HPS5: variants seen among roughly 807,000 people sequenced by gnomAD.
HPS5 encodes HPS5 biogenesis of lysosomal organelles complex 2 subunit 2, also known as BLOC-2 complex member HPS5.
Under a neutral mutation model 128.0 loss-of-function variants are expected in HPS5, and 83 were observed. The observed-to-expected ratio is 0.65, with a 90% CI of 0.54 to 0.78. The LOEUF (loss-of-function observed/expected upper bound fraction) is 0.78, where lower values mean the gene tolerates loss of function less well. Ranked by LOEUF, HPS5 falls within the 30% of genes least tolerant of loss-of-function variation. The pLI is 0.00. For missense variants in HPS5, 1,281 were observed against 1,326.2 expected (o/e 0.97, Z 0.53); for synonymous variants, 475 against 470.2 (o/e 1.01, Z -0.13).
intron 6 of HPS5, among the ~76,000 whole-genome samples, chr11:18,307,749 C>CA (rs982176691): frequency 6.7e-6 from 1 of 149,078 alleles, no homozygotes; most frequent in East Asian, 1.9e-4. Context: ...AACAAAGAAA[C>CA]AAAAAAAACC....
In HPS5 at chr11:18,297,003, C is replaced by CA. The variant is rs369116404; in HGVS notation, c.1324-20dup. ...AACTTTCCTAAAAATTAAAAGAATT[C>CA]AAAAAAAAAAAAAGGTAAAAATTTC... is the stretch of plus-strand genomic sequence containing the variant. On this transcript the variant is annotated intron_variant, in intron 11 of 22. Transcript: ENST00000349215. 0.15 allele frequency: 162,298 copies of CA among 1,080,158 alleles called. 1,708 individuals are homozygous for CA. The highest frequency in any genetic ancestry group is 0.2 in the African/African-American group (12,035 of 58,884). The allele number at this position is 1,080,158 out of a possible 1,614,324, so 66.9% of individuals were successfully genotyped here. A position where few individuals can be genotyped will look rare whatever the true frequency, so the allele number is the denominator to read the frequency against.
intron 8 of HPS5, among the ~76,000 whole-genome samples, chr11:18,305,024 C>T (rs1862188096): frequency 6.6e-6 from 1 of 152,178 alleles, no homozygotes; most frequent in African/African-American, 2.4e-5. Context: ...TGAAATTTCA[C>T]CAAGCTTACA....
At chr11:18,320,423 C>T (rs1221338505) in intron 1 of HPS5, among the ~76,000 whole-genome samples, 1 of 152,154 alleles carries the variant, frequency 6.6e-6, no homozygotes, top group African/African-American at 2.4e-5. Flanking sequence ...AAAGAAAGCA[C>T]TCACTCTCAT....
chr11:18,286,915 A>AT, intron 18 of HPS5: 1 of 640,548 alleles, frequency 1.6e-6, no homozygotes, highest in Admixed American at 2.9e-5. Flanking sequence ...AAAAAGAAAA[A>AT]AAAAAAGGGA....
rs751336740 is a variant in HPS5, at chr11:18,296,969, A to T, written c.1339T>A (p.Leu447Met). Residue 447 changes from leucine (L) to methionine (M), a missense_variant, in exon 12 of 23, where the codon TTG becomes ATG. Physicochemically the swap from Leu to Met is conservative, Grantham distance 15 (BLOSUM62 2). Transcript: ENST00000349215. ...SISSHESFSI[L>M]DSGIYRIISS... is the part of the protein sequence containing the mutation. ...ATGATACGATAAATACCAGAGTCCA[A>T]GATGCTGAAACTTTCCTAAAAATTA... The T allele has an allele frequency of 6.2e-7, 1 of 1,601,342 alleles. No homozygotes were observed. The highest frequency in any genetic ancestry group is 1.1e-5 in the South Asian group (1 of 90,506).
rs749258128 is a variant in HPS5 at position 18,287,520 on chromosome 11, T to C, written c.2717+15A>G. ...CAAAAGAAAGGAGAGTCTGCAAATA[T>C]GCTCTCCTTCTCACCGCTGATCTTC... On this transcript the variant is annotated intron_variant, in intron 18 of 22. Coordinates refer to ENST00000349215, the MANE Select transcript of HPS5 (RefSeq NM_181507.2). 11 of 1,613,550 alleles carry C rather than the reference T, an allele frequency of 6.8e-6. No individual in the cohort carries two copies. Among genetic ancestry groups the C allele is most frequent in the South Asian group, 1.1e-5 (1 of 91,078 alleles).
intron 6 of HPS5, among the ~76,000 whole-genome samples, chr11:18,307,158 T>C (rs189001584): frequency 8.0e-4 from 122 of 152,334 alleles, no homozygotes; most frequent in Non-Finnish European, 5.0e-4. Flanking sequence ...TTCTTATTCC[T>C]CTTTGGTTGA....
chr11:18,289,549 T>C (rs986877665), intron 16 of HPS5, among the ~76,000 whole-genome samples: 9 of 152,108 alleles, frequency 5.9e-5, no homozygotes, highest in Non-Finnish European at 1.2e-4. Flanking sequence ...TGTTTCTTAT[T>C]TCACACAAAA....
intron 6 of HPS5, among the ~76,000 whole-genome samples, chr11:18,307,741 CAAAG>C (rs1174192855): frequency 6.7e-6 from 1 of 148,614 alleles, no homozygotes; most frequent in African/African-American, 2.5e-5. Flanking sequence ...AAAAAAAAAA[CAAAG>C]AAACAAAAAA....
chr11:18,297,093 C>T (rs1861168168), intron 11 of HPS5, 109 bp from the exon 12 acceptor site: 1 of 781,738 alleles, frequency 1.3e-6, no homozygotes, highest in African/African-American at 1.7e-5. Flanking sequence ...TTAATAACAA[C>T]CATTATGGCT....
chr11:18,300,921 A>G lies in HPS5; in HGVS notation c.897-5T>C. 6.5e-7 allele frequency: 1 copy of G among 1,533,562 alleles called. No individual in the cohort carries two copies. Among genetic ancestry groups the G allele is most frequent in the Non-Finnish European group, 9.0e-7 (1 of 1,106,712 alleles). 95.0% of individuals were successfully genotyped at this position (1,533,562 alleles called of 1,614,324 possible). On this transcript the variant is annotated splice_region_variant and splice_polypyrimidine_tract_variant and intron_variant, in intron 8 of 22. Transcript: ENST00000349215. ...CAAGTCAGCACACAATGCTCACTGC[A>G]AGAGAAGAAGTGAAGAGAATTCAAG...
intron 7 of HPS5, 64 bp from the exon 8 acceptor site, chr11:18,305,557 T>C (rs1862250182): frequency 7.6e-7 from 1 of 1,319,056 alleles, no homozygotes; most frequent in Non-Finnish European, 1.1e-6. Flanking sequence ...AATTACACTT[T>C]TCCCAATATA....
intron 1 of HPS5, among the ~76,000 whole-genome samples, chr11:18,320,931 A>T (rs1246594105): frequency 6.6e-6 from 1 of 152,238 alleles, no homozygotes; most frequent in South Asian, 2.1e-4. Context: ...CATAAATAAA[A>T]TCTTCTTAGC....
In HPS5 at chr11:18,281,273, T is replaced by A. The variant is rs1361537116; in HGVS notation, c.3329+677A>T. 3.3e-5 allele frequency among the ~76,000 whole-genome samples: 5 copies of A among 149,964 alleles called. No individual in the cohort carries two copies. The East Asian group carries it at 5.9e-4, about 18-fold the overall frequency. On this transcript the variant is annotated intron_variant, in intron 22 of 22. Transcript: ENST00000349215. ...TTTTTGCATTTTTTTTTTTTTTTTT[T>A]AGTAGAGACAGGGTTTCACCATATT...
rs755724548 is a variant in HPS5, at chr11:18,288,037, T to C, written c.2441-24A>G. ...TTCTGAAATATAAAGCATATCCTTT[T>C]CCAAACTTTATCTCTTAGGCGGAAA... On this transcript the variant is annotated intron_variant, in intron 16 of 22. Transcript: ENST00000349215. 8 of 1,612,750 alleles carry C rather than the reference T, an allele frequency of 5.0e-6. No homozygotes were observed. The Admixed American group carries it at 1.2e-4, about 24-fold the overall frequency.
chr11:18,302,037 T>A (rs1257132905), intron 8 of HPS5, among the ~76,000 whole-genome samples: 2 of 151,954 alleles, frequency 1.3e-5, no homozygotes, highest in African/African-American at 4.8e-5. Flanking sequence ...ATTCCCAAAC[T>A]GCCAAACCCA....
chr11:18,305,443 A>G lies in HPS5; in HGVS notation c.875T>C (p.Phe292Ser). Reference sequence around the variant, plus strand: ...TTACCTAAGATGTAAGAGTTTGGGGAAAGACAAAGACTGGGAGGATCCAGC... The same window carrying G: ...TTACCTAAGATGTAAGAGTTTGGGGGAAGACAAAGACTGGGAGGATCCAGC... ...HTAGSSQSLSFPKLLHLSEHC... is the reference protein window; with the variant it reads ...HTAGSSQSLSSPKLLHLSEHC... The change falls in exon 8 of 23, where the codon TTC (phenylalanine) becomes TCC (serine). Residue 292 changes from phenylalanine to serine, a missense_variant. By Grantham distance (155) the Phe-to-Ser change is radical. Coordinates refer to ENST00000349215, the MANE Select transcript of HPS5 (RefSeq NM_181507.2). 6.2e-7 allele frequency: 1 copy of G among 1,609,736 alleles called. No homozygotes were observed. The highest frequency in any genetic ancestry group is 1.7e-4 in the Middle Eastern group (1 of 6,054).
chr11:18,292,449 C>T (rs1443476718), intron 15 of HPS5, among the ~76,000 whole-genome samples: 1 of 152,128 alleles, frequency 6.6e-6, no homozygotes, highest in Non-Finnish European at 1.5e-5. Context: ...CCACCTCAGC[C>T]TTTCAAAATG....
intron 11 of HPS5, 25 bp from the exon 12 acceptor site, chr11:18,297,009 A>G (rs775875449): frequency 6.8e-7 from 1 of 1,473,204 alleles, no homozygotes; most frequent in South Asian, 1.1e-5. Flanking sequence ...AATTCAAAAA[A>G]AAAAAAAGGT....
Sources: gnomAD v4.1 joint callset for allele counts (sites outside exome capture counted in the v4.1 genomes callset) on GRCh38, gnomAD v4.1.1 for gene constraint, MANE v1.5 for transcripts, NCBI Gene and HGNC (gene_info 2026-07-23, HGNC 2026-07-21) for gene names.